The following FRMD4A variants were observed in gnomAD, a reference collection of about 807,000 sequenced individuals.
The protein encoded by FRMD4A is FERM domain containing 4A.
Under a neutral mutation model 129.1 loss-of-function variants are expected in FRMD4A, and 29 were observed. The ratio of observed to expected loss-of-function variants is 0.22; its 90% CI spans 0.17 to 0.31. The LOEUF (loss-of-function observed/expected upper bound fraction) is 0.31. Among genes scored for constraint, FRMD4A ranks in the 10% least tolerant of loss-of-function variants. The pLI, the probability that FRMD4A is intolerant of heterozygous loss-of-function variation, is 1.00. For missense variants in FRMD4A, 1,272 were observed against 1,375.8 expected (o/e 0.92, Z 1.19); for synonymous variants, 634 against 571.6 (o/e 1.11, Z -1.56).
chr10:14,225,383 A>G (rs775032503), intron 2 of FRMD4A, among the ~76,000 whole-genome samples: 6 of 152,252 alleles, frequency 3.9e-5, no homozygotes, highest in Non-Finnish European at 8.8e-5. Context: ...AAAGAAGGCA[A>G]GAGGTCCTAG....
At chr10:14,096,793 C>T (rs1038293590) in intron 2 of FRMD4A, among the ~76,000 whole-genome samples, 1 of 152,100 alleles carries the variant, frequency 6.6e-6, no homozygotes, top group Non-Finnish European at 1.5e-5. Flanking sequence ...CATTCTTTCC[C>T]ACCTACATTA....
At chr10:13,940,809 T>G (rs1217964922) in intron 2 of FRMD4A, among the ~76,000 whole-genome samples, 1 of 152,214 alleles carries the variant, frequency 6.6e-6, no homozygotes, top group Non-Finnish European at 1.5e-5. Flanking sequence ...TATAGATTCA[T>G]GGAAGGTTAC....
At chr10:13,933,847 G>C (rs2095225213) in intron 2 of FRMD4A, among the ~76,000 whole-genome samples, 1 of 152,168 alleles carries the variant, frequency 6.6e-6, no homozygotes, top group Non-Finnish European at 1.5e-5. Context: ...AGGGGAGCAG[G>C]GGGCAGGTGG....
chr10:14,084,686 C>T (rs966294238), intron 2 of FRMD4A, among the ~76,000 whole-genome samples: 1 of 152,182 alleles, frequency 6.6e-6, no homozygotes, highest in Non-Finnish European at 1.5e-5. Context: ...ATATGGGACA[C>T]AACCCTTCTG....
intron 5 of FRMD4A, among the ~76,000 whole-genome samples, chr10:13,795,335 GC>G (rs1456084203): frequency 6.6e-6 from 1 of 152,232 alleles, no homozygotes; most frequent in African/African-American, 2.4e-5. Context: ...GCTAAGATGA[GC>G]TTGGATATGT....
At chr10:13,872,857 T>G (rs964839999) in intron 2 of FRMD4A, among the ~76,000 whole-genome samples, 3 of 152,208 alleles carry the variant, frequency 2.0e-5, no homozygotes, top group African/African-American at 7.2e-5. Context: ...TCTTTTGTTT[T>G]GATGACTGTA....
At chr10:14,298,832 C>A (rs550780781) in intron 2 of FRMD4A, among the ~76,000 whole-genome samples, 1 of 152,250 alleles carries the variant, frequency 6.6e-6, no homozygotes, top group South Asian at 2.1e-4. Context: ...GGGAGGAGGA[C>A]ACTCGAGTGA....
At chr10:13,984,161 C>A (rs1031630586) in intron 2 of FRMD4A, among the ~76,000 whole-genome samples, 7 of 152,096 alleles carry the variant, frequency 4.6e-5, no homozygotes, top group Non-Finnish European at 1.0e-4. Context: ...CCAGCTCCTT[C>A]AGCAAAACCC....
At chr10:14,010,785 C>T (rs1016304351) in intron 2 of FRMD4A, among the ~76,000 whole-genome samples, 4 of 148,048 alleles carry the variant, frequency 2.7e-5, no homozygotes, top group African/African-American at 9.9e-5. Context: ...GCTAGGATTA[C>T]AGGCATGAGC....
intron 3 of FRMD4A, among the ~76,000 whole-genome samples, chr10:13,854,555 G>A (rs1203681693): frequency 6.6e-6 from 1 of 151,816 alleles, no homozygotes; most frequent in African/African-American, 2.4e-5. Flanking sequence ...CAAGTAGCTG[G>A]GATTACAGGC....
intron 2 of FRMD4A, among the ~76,000 whole-genome samples, chr10:13,945,923 C>G (rs1565090399): frequency 6.6e-6 from 1 of 152,200 alleles, no homozygotes; most frequent in Non-Finnish European, 1.5e-5. Flanking sequence ...CCAGTTTCAA[C>G]TTCCTCTGGC....
chr10:14,227,452 A>T (rs1356710239), intron 2 of FRMD4A, among the ~76,000 whole-genome samples: 1 of 151,676 alleles, frequency 6.6e-6, no homozygotes, highest in Non-Finnish European at 1.5e-5. Context: ...AGGTTTCGCC[A>T]TGTTGGCTGG....
At chr10:14,211,202 G>A (rs926487889) in intron 2 of FRMD4A, among the ~76,000 whole-genome samples, 1 of 152,116 alleles carries the variant, frequency 6.6e-6, no homozygotes, top group Non-Finnish European at 1.5e-5. Context: ...ATTTTTTTGA[G>A]AGCTTACACT....
chr10:13,861,073 G>A (rs989306663), intron 2 of FRMD4A, among the ~76,000 whole-genome samples: 1 of 152,152 alleles, frequency 6.6e-6, no homozygotes, highest in African/African-American at 2.4e-5. Context: ...GCACAGTCGC[G>A]GGCCGAAGGT....
At position 13,657,366 on chromosome 10, in the gene FRMD4A, T is replaced by G. The variant is rs748029848; in HGVS notation, c.2223A>C (p.Ser741=). Residue 741 remains serine (S), a synonymous_variant, in exon 22 of 25, where the codon TCA becomes TCC. Transcript: ENST00000357447. ...YTPRTRSSNG[S]DPMDDCSSCT... is the part of the protein sequence containing the mutation. ...ACGACGAGCAGTCGTCCATGGGGTC[T>G]GAGCCGTTGCTGCTACGAGTCCGCG... 3 of 1,612,010 alleles carry G rather than the reference T, an allele frequency of 1.9e-6. No individual in the cohort carries two copies. In the South Asian group the frequency reaches 3.3e-5, roughly 18 times the overall value.
At chr10:13,784,990 C>CAAAA (rs35375065) in intron 5 of FRMD4A, among the ~76,000 whole-genome samples, 9 of 98,436 alleles carry the variant, frequency 9.1e-5, no homozygotes, top group African/African-American at 2.6e-4. Context: ...GACTCTATCT[C>CAAAA]AAAAAAAAAA....
chr10:14,200,027 TG>T (rs1449140108), intron 2 of FRMD4A, among the ~76,000 whole-genome samples: 444 of 38,296 alleles, frequency 0.012, 14 homozygotes, highest in African/African-American at 0.028. Context: ...TAATTTGTTT[TG>T]TTTTTTTTTT....
At chr10:13,935,603 T>G (rs1200141347) in intron 2 of FRMD4A, among the ~76,000 whole-genome samples, 3 of 152,278 alleles carry the variant, frequency 2.0e-5, no homozygotes, top group African/African-American at 7.2e-5. Flanking sequence ...AAAGACAAGT[T>G]TATCATCTCT....
rs774187636 is a variant in FRMD4A at position 13,657,325 on chromosome 10, C to G, written c.2264G>C (p.Ser755Thr). Reference protein sequence around the residue: ...DDCSSCTSHSSSEHYYPAQMN... With the variant: ...DDCSSCTSHSTSEHYYPAQMN... ...CTGCGCCGGGTAGTAGTGCTCCGAG[C>G]TCGAGTGGCTGGTGCACGACGAGCA... The change falls in exon 22 of 25, where the codon AGC becomes ACC. Residue 755 changes from serine to threonine, a missense_variant. Ser to Thr is a moderately conservative substitution (Grantham distance 58, BLOSUM62 1). Transcript: ENST00000357447. The G allele has an allele frequency of 6.2e-7, 1 of 1,612,152 alleles. No individual in the cohort carries two copies.
Sources: allele counts gnomAD v4.1 joint callset (sites outside exome capture counted in the v4.1 genomes callset), GRCh38; gene constraint gnomAD v4.1.1; transcripts MANE v1.5; gene names NCBI Gene and HGNC (gene_info 2026-07-23, HGNC 2026-07-21).